The following EYS variants were observed in gnomAD, a reference collection of about 807,000 sequenced individuals.
EYS encodes EGF-like photoreceptor maintenance factor.
In EYS, 250 loss-of-function variants were observed where a neutral mutation model predicts 282.1. That is an observed-to-expected ratio of 0.89 (90% CI 0.80 to 0.98). The LOEUF (loss-of-function observed/expected upper bound fraction) is 0.98, where lower values mean the gene tolerates loss of function less well. EYS is among the 50% of genes least tolerant of loss of function. The probability of loss-of-function intolerance (pLI) is 0.00; values close to 1 mark genes in which losing one functional copy is unlikely to be tolerated. For missense variants in EYS, 4,016 were observed against 3,709.0 expected (o/e 1.08, Z -2.15); for synonymous variants, 1,355 against 1,282.9 (o/e 1.06, Z -1.20).
chr6:64,445,475 T>C (rs1775090087), intron 26 of EYS, among the ~76,000 whole-genome samples: 1 of 152,196 alleles, frequency 6.6e-6, no homozygotes, highest in Non-Finnish European at 1.5e-5. Context: ...TATAATTTTG[T>C]ATGCTTTTGG....
intron 13 of EYS, among the ~76,000 whole-genome samples, chr6:64,998,087 C>G (rs1304623842): frequency 6.6e-6 from 1 of 152,160 alleles, no homozygotes; most frequent in Admixed American, 6.5e-5. Context: ...GTTTAATAAA[C>G]AAGACCTTAA....
At chr6:65,637,406 G>A (rs978237152) in intron 2 of EYS, among the ~76,000 whole-genome samples, 1 of 152,204 alleles carries the variant, frequency 6.6e-6, no homozygotes, top group Admixed American at 6.5e-5. Flanking sequence ...CTGCTGCAAG[G>A]ATGCTGGTTG....
intron 26 of EYS, among the ~76,000 whole-genome samples, chr6:64,446,798 A>C (rs1202938661): frequency 6.6e-6 from 1 of 152,104 alleles, no homozygotes; most frequent in Non-Finnish European, 1.5e-5. Context: ...GGTAGTTATT[A>C]CCAATATAGT....
chr6:65,286,251 G>A (rs1258896416), intron 12 of EYS, among the ~76,000 whole-genome samples: 2 of 151,588 alleles, frequency 1.3e-5, no homozygotes, highest in African/African-American at 2.4e-5. Context: ...TCCAAATTAA[G>A]CTGGCCTTTT....
In EYS at chr6:64,632,075, T is replaced by C. The variant is rs540789836; in HGVS notation, c.3444-5830A>G. Among the ~76,000 whole-genome samples, 568 of 142,580 alleles carry C rather than the reference T, an allele frequency of 4.0e-3. 2 individuals are homozygous for C. The highest frequency in any genetic ancestry group is 0.012 in the South Asian group (53 of 4,434). The allele number at this position is 142,580 out of a possible 152,430, so 93.5% of individuals were successfully genotyped here. On this transcript the variant is annotated intron_variant, in intron 22 of 42. Coordinates refer to ENST00000503581, the MANE Select transcript of EYS (RefSeq NM_001142800.2). ...AAGGAAGGAACGATGTTATGACTTTTTATATCTGCAAAGCATCAACTTTAA... is the reference window on the plus strand; with the variant it reads ...AAGGAAGGAACGATGTTATGACTTTCTATATCTGCAAAGCATCAACTTTAA...
In EYS at chr6:64,616,934, T is replaced by C. The variant is rs140091097; in HGVS notation, c.3684+484A>G. 1.8e-3 allele frequency among the ~76,000 whole-genome samples: 272 copies of C among 152,248 alleles called. 2 individuals are homozygous for C. The highest frequency in any genetic ancestry group is 6.4e-3 in the African/African-American group (267 of 41,548). On this transcript the variant is annotated intron_variant, in intron 24 of 42. Coordinates refer to ENST00000503581, the MANE Select transcript of EYS (RefSeq NM_001142800.2). ...CAAATGCTATTTTTTAATAGAGACA[T>C]TTTTACCAAGGAAAGTCATTTCTAG...
intron 8 of EYS, among the ~76,000 whole-genome samples, chr6:65,381,095 A>G (rs1417741007): frequency 1.3e-5 from 2 of 152,150 alleles, no homozygotes; most frequent in African/African-American, 4.8e-5. Flanking sequence ...ATACCATTTG[A>G]CCCAGCAATC....
chr6:64,889,855 C>A (rs1009289582), intron 18 of EYS, among the ~76,000 whole-genome samples: 46 of 152,068 alleles, frequency 3.0e-4, no homozygotes, highest in Middle Eastern at 6.8e-3. Flanking sequence ...AATAAAAGAA[C>A]AGGATAACAG....
At chr6:64,395,647 G>C (rs4607411) in intron 28 of EYS, among the ~76,000 whole-genome samples, 104 of 74,978 alleles carry the variant, frequency 1.4e-3, no homozygotes, top group Admixed American at 5.3e-3. Flanking sequence ...TTGGGGGGAG[G>C]GGGGAGGGAT....
Position 65,162,125 on chromosome 6 carries a change from A to G in EYS, c.2024-104398T>C, listed in dbSNP as rs1177510751. Among the ~76,000 whole-genome samples the G allele has an allele frequency of 4.0e-5, 6 of 151,186 alleles. No homozygotes were observed. In the Admixed American group the frequency reaches 4.0e-4, roughly 10 times the overall value. ...AGAGCATGGACTTTGGAGTCTGGCA[A>G]ACTAAATTCTACTTCAGCCAGTTAC... On this transcript the variant is annotated intron_variant, in intron 12 of 42. Coordinates refer to ENST00000503581, the MANE Select transcript of EYS (RefSeq NM_001142800.2).
intron 40 of EYS, among the ~76,000 whole-genome samples, chr6:63,776,100 A>G (rs1215214044): frequency 6.6e-6 from 1 of 152,066 alleles, no homozygotes; most frequent in African/African-American, 2.4e-5. Flanking sequence ...TTGTTACTCA[A>G]ATTTAGGCCC....
chr6:65,461,388 C>T (rs1764822154), intron 5 of EYS, among the ~76,000 whole-genome samples: 1 of 152,060 alleles, frequency 6.6e-6, no homozygotes, highest in Non-Finnish European at 1.5e-5. Context: ...TAGATGACAC[C>T]AAGCGACTGT....
chr6:65,158,282 G>A (rs192130785), intron 12 of EYS, among the ~76,000 whole-genome samples: 11 of 150,954 alleles, frequency 7.3e-5, no homozygotes, highest in Admixed American at 5.3e-4. Context: ...CCAAGCTTCT[G>A]TGGTTCGACC....
chr6:64,462,512 TA>T (rs1562008863), intron 26 of EYS, among the ~76,000 whole-genome samples: 1 of 152,028 alleles, frequency 6.6e-6, no homozygotes, highest in East Asian at 1.9e-4. Context: ...TGAAAACATC[TA>T]ACTAGTGGAA....
At chr6:65,016,759 T>A (rs1004510438) in intron 13 of EYS, among the ~76,000 whole-genome samples, 13 of 152,156 alleles carry the variant, frequency 8.5e-5, no homozygotes, top group African/African-American at 3.1e-4. Flanking sequence ...AACAGTTCTT[T>A]ATGGAGCATA....
chr6:65,388,632 C>T, intron 7 of EYS, among the ~76,000 whole-genome samples: 1 of 152,100 alleles, frequency 6.6e-6, no homozygotes, highest in East Asian at 1.9e-4. Context: ...AAAGTGGTGA[C>T]TTAGTAGGAG....
At chr6:65,649,451 A>G (rs1046400042) in intron 1 of EYS, among the ~76,000 whole-genome samples, 16 of 152,144 alleles carry the variant, frequency 1.1e-4, no homozygotes, top group Non-Finnish European at 2.4e-4. Context: ...CTAAGAATAT[A>G]ATGAACCTTA....
intron 14 of EYS, among the ~76,000 whole-genome samples, chr6:64,959,260 C>T (rs1769830870): frequency 6.6e-6 from 1 of 152,122 alleles, no homozygotes; most frequent in South Asian, 2.1e-4. Context: ...AGCAAATTTG[C>T]TGTAAAACTC....
intron 1 of EYS, among the ~76,000 whole-genome samples, chr6:65,652,627 T>C (rs984605998): frequency 4.0e-5 from 6 of 151,826 alleles, no homozygotes; most frequent in African/African-American, 1.5e-4. Flanking sequence ...TAGAAGAAGA[T>C]GGAACTCTTA....
Sources: gnomAD v4.1 joint callset for allele counts (sites outside exome capture counted in the v4.1 genomes callset) on GRCh38, gnomAD v4.1.1 for gene constraint, MANE v1.5 for transcripts, NCBI Gene and HGNC (gene_info 2026-07-23, HGNC 2026-07-21) for gene names.